Variants in RUNX1 observed in about 807,000 individuals in gnomAD.
The protein encoded by RUNX1 is runt-related transcription factor 1.
In RUNX1, 19 loss-of-function variants were observed where a neutral mutation model predicts 42.8. The observed-to-expected ratio is 0.44, with a 90% CI of 0.31 to 0.65. RUNX1 has a LOEUF of 0.65. RUNX1 is among the 30% of genes least tolerant of loss of function. The pLI, the probability that RUNX1 is intolerant of heterozygous loss-of-function variation, is 0.07. For synonymous variants in RUNX1, 271 were observed against 289.4 expected, an observed-to-expected ratio of 0.94 and a Z score of 0.64; for missense variants, 528 against 672.0, an observed-to-expected ratio of 0.79 and a Z score of 2.37.
chr21:34,805,724 C>T (rs2056670207), intron 7 of RUNX1, among the ~76,000 whole-genome samples: 1 of 152,062 alleles, frequency 6.6e-6, no homozygotes, highest in Non-Finnish European at 1.5e-5. Context: ...TCAAAAAGAA[C>T]TGCATAAAAA....
At chr21:34,877,020 C>A (rs2057823963) in intron 5 of RUNX1, among the ~76,000 whole-genome samples, 1 of 152,110 alleles carries the variant, frequency 6.6e-6, no homozygotes, top group Non-Finnish European at 1.5e-5. Context: ...CCACACCTGG[C>A]TAATTTTTTG....
At position 34,892,969 on chromosome 21, in the gene RUNX1, A is replaced by G. The variant is rs2058096569; in HGVS notation, c.59-6T>C. ...ATTCATTCCAAGTATGCATTCTGAA[A>G]TAACAGAAAGTAGGAAAATAAAAGT... is the stretch of plus-strand genomic sequence containing the variant. On this transcript the variant is annotated splice_region_variant and splice_polypyrimidine_tract_variant and intron_variant, in intron 2 of 8. Coordinates refer to ENST00000675419, the MANE Select transcript of RUNX1 (RefSeq NM_001754.5). The G allele has an allele frequency of 2.5e-6, 4 of 1,570,628 alleles. No homozygotes were observed. In the South Asian group the frequency reaches 4.5e-5, roughly 18 times the overall value.
intron 3 of RUNX1, chr21:34,889,532 C>A: frequency 5.2e-6 from 2 of 384,648 alleles, no homozygotes; most frequent in Non-Finnish European, 7.5e-6. Flanking sequence ...AGCCACGCGG[C>A]TTGCTCCCGG....
chr21:34,978,085 G>T (rs377202827), intron 2 of RUNX1, among the ~76,000 whole-genome samples: 1 of 152,042 alleles, frequency 6.6e-6, no homozygotes, highest in Non-Finnish European at 1.5e-5. Context: ...CTACAGTCAC[G>T]TGCCACCATG....
At chr21:35,049,078 C>A in intron 1 of RUNX1, 90 bp downstream of exon 1, 2 of 608,822 alleles carry the variant, frequency 3.3e-6, no homozygotes, top group Non-Finnish European at 5.9e-6. Flanking sequence ...TTAAAAAATG[C>A]ACCTTTGTAA....
intron 2 of RUNX1, among the ~76,000 whole-genome samples, chr21:35,022,290 T>C (rs1348952923): frequency 6.6e-6 from 1 of 152,176 alleles, no homozygotes; most frequent in Non-Finnish European, 1.5e-5. Context: ...AGAGATAGGC[T>C]GGGTGGTAAA....
chr21:34,930,196 AT>A (rs969718145), intron 2 of RUNX1, among the ~76,000 whole-genome samples: 2 of 145,522 alleles, frequency 1.4e-5, no homozygotes, highest in African/African-American at 2.5e-5. Context: ...ATACATATAT[AT>A]TATATATACA....
intron 2 of RUNX1, among the ~76,000 whole-genome samples, chr21:35,036,468 T>C (rs2059309140): frequency 6.6e-6 from 1 of 152,120 alleles, no homozygotes; most frequent in African/African-American, 2.4e-5. Context: ...TCCTTCAGCA[T>C]GCCGAACCCC....
At chr21:35,010,559 T>C (rs968124660) in intron 2 of RUNX1, among the ~76,000 whole-genome samples, 2 of 151,968 alleles carry the variant, frequency 1.3e-5, no homozygotes, top group Non-Finnish European at 2.9e-5. Context: ...TAATAATAGT[T>C]TGTTAAATGA....
intron 8 of RUNX1, chr21:34,797,961 AC>A (rs1037940515): frequency 5.7e-5 from 26 of 453,178 alleles, no homozygotes; most frequent in African/African-American, 1.4e-4. Context: ...CTCAGGACAG[AC>A]CCCCCCCAAC....
intron 2 of RUNX1, among the ~76,000 whole-genome samples, chr21:35,027,536 C>G (rs2059246253): frequency 6.6e-6 from 1 of 152,202 alleles, no homozygotes; most frequent in South Asian, 2.1e-4. Flanking sequence ...CCTGGTTTAA[C>G]TGGAGCCACC....
chr21:34,989,015 T>TCTCTC (rs1491284196), intron 2 of RUNX1, among the ~76,000 whole-genome samples: 5 of 123,078 alleles, frequency 4.1e-5, no homozygotes, highest in African/African-American at 2.7e-4. Flanking sequence ...TCTCTCTCTC[T>TCTCTC]TTTTTTTTTT....
At chr21:35,011,750 C>T (rs2059128160) in intron 2 of RUNX1, among the ~76,000 whole-genome samples, 1 of 152,110 alleles carries the variant, frequency 6.6e-6, no homozygotes, top group Non-Finnish European at 1.5e-5. Flanking sequence ...TTGCTAATTA[C>T]CATTTTGTTT....
chr21:34,801,123 T>C (rs1163685104), intron 7 of RUNX1, among the ~76,000 whole-genome samples: 1 of 151,966 alleles, frequency 6.6e-6, no homozygotes, highest in Non-Finnish European at 1.5e-5. Flanking sequence ...AAAAATCATA[T>C]ACTTAGATAT....
rs190657534 is a variant in RUNX1, at chr21:34,997,292, A to G, written c.58+51550T>C. Among the ~76,000 whole-genome samples the G allele has an allele frequency of 1.1e-3, 175 of 152,310 alleles. 2 individuals carry two copies. Among genetic ancestry groups the G allele is most frequent in the African/African-American group, 3.9e-3 (164 of 41,552 alleles). On this transcript the variant is annotated intron_variant, in intron 2 of 8. Coordinates refer to ENST00000675419, the MANE Select transcript of RUNX1 (RefSeq NM_001754.5). ...GATCAATACTGAGTCTTAATCCCAA[A>G]CCTGACAGCCCATATTTTTCAAACT...
At chr21:34,987,678 G>GA (rs751291743) in intron 2 of RUNX1, among the ~76,000 whole-genome samples, 4 of 152,002 alleles carry the variant, frequency 2.6e-5, no homozygotes, top group East Asian at 1.9e-4. Context: ...CAAAGAGGGG[G>GA]AAAAAAAGAG....
intron 2 of RUNX1, among the ~76,000 whole-genome samples, chr21:34,986,757 G>A (rs1472264696): frequency 6.6e-6 from 1 of 152,024 alleles, no homozygotes; most frequent in Non-Finnish European, 1.5e-5. Flanking sequence ...TCCTCTCCTG[G>A]AGCCTTCAGA....
intron 7 of RUNX1, among the ~76,000 whole-genome samples, chr21:34,817,626 C>A (rs940072890): frequency 1.3e-5 from 2 of 152,168 alleles, no homozygotes; most frequent in African/African-American, 4.8e-5. Context: ...GCCCCCAAGA[C>A]ATGGCCACTA....
In RUNX1 at chr21:34,798,376, A is replaced by T. The variant is rs890487893; in HGVS notation, c.967+925T>A. Among the ~76,000 whole-genome samples, 44 of 152,200 alleles carry T rather than the reference A, an allele frequency of 2.9e-4. 1 individual carries two copies. The highest frequency in any genetic ancestry group is 1.0e-4 in the Non-Finnish European group (7 of 68,024). On this transcript the variant is annotated intron_variant, in intron 8 of 8. Coordinates refer to ENST00000675419, the MANE Select transcript of RUNX1 (RefSeq NM_001754.5). Reference sequence around the variant, plus strand: ...CTCTGTAACTCTGATTTCCCTGCCCACGAGCAAAGGTGAGTGCCAAGCCCA... The same window carrying T: ...CTCTGTAACTCTGATTTCCCTGCCCTCGAGCAAAGGTGAGTGCCAAGCCCA...
Sources: gnomAD v4.1 joint callset for allele counts (sites outside exome capture counted in the v4.1 genomes callset) on GRCh38, gnomAD v4.1.1 for gene constraint, MANE v1.5 for transcripts, NCBI Gene and HGNC (gene_info 2026-07-23, HGNC 2026-07-21) for gene names.